The following PTPDC1 variants were observed in gnomAD, a reference collection of about 807,000 sequenced individuals.
PTPDC1 encodes the protein protein tyrosine phosphatase domain containing 1.
Under a neutral mutation model 75.3 loss-of-function variants are expected in PTPDC1, and 53 were observed. The ratio of observed to expected loss-of-function variants is 0.70; its 90% CI spans 0.56 to 0.88. PTPDC1 has a LOEUF of 0.88. Ranked by LOEUF, PTPDC1 falls within the 40% of genes least tolerant of loss-of-function variation. The probability of loss-of-function intolerance (pLI) is 0.00; values close to 1 mark genes in which losing one functional copy is unlikely to be tolerated. For missense variants in PTPDC1, 925 were observed against 998.6 expected (o/e 0.93, Z 0.99); for synonymous variants, 349 against 366.2 (o/e 0.95, Z 0.54).
intron 1 of PTPDC1, among the ~76,000 whole-genome samples, chr9:94,048,454 T>C (rs562809631): frequency 1.8e-4 from 28 of 152,282 alleles, no homozygotes; most frequent in African/African-American, 6.3e-4. Context: ...GCCTTCATTT[T>C]GTTATGTACC....
intron 2 of PTPDC1, among the ~76,000 whole-genome samples, chr9:94,073,558 C>G (rs551782972): frequency 6.6e-6 from 1 of 152,134 alleles, no homozygotes; most frequent in Non-Finnish European, 1.5e-5. Context: ...TCTTATATCA[C>G]TGATTTGCAC....
At chr9:94,038,033 G>A (rs1825324752) in intron 1 of PTPDC1, 1 of 456,240 alleles carries the variant, frequency 2.2e-6, no homozygotes, top group Non-Finnish European at 4.1e-6. Context: ...ATTAAATATG[G>A]GTGATGTTGA....
At chr9:94,067,898 G>A (rs1011957604) in intron 2 of PTPDC1, among the ~76,000 whole-genome samples, 5 of 152,198 alleles carry the variant, frequency 3.3e-5, no homozygotes, top group South Asian at 2.1e-4. Flanking sequence ...TACCGTGCCC[G>A]GCTTTCAATC....
In PTPDC1 at chr9:94,095,409, G is replaced by T; in HGVS notation, c.709G>T (p.Glu237Ter). The change falls in exon 5 of 9, where the codon GAA becomes TAA. Residue 237 changes from glutamate (E) to a stop codon, truncating the protein, a stop_gained. Coordinates refer to ENST00000620992, the MANE Select transcript of PTPDC1 (RefSeq NM_001253829.2). LOFTEE classifies it high-confidence loss of function. ...GAAGGTGATGACATTTGCCTTACAG[G>T]AAGGAAAAGTAGCTATCCATTGTCA... is the stretch of plus-strand genomic sequence containing the variant. ...MVKVMTFALQ[E>*]GKVAIHCHAG... 1 of 1,613,710 alleles carries T rather than the reference G, an allele frequency of 6.2e-7. No individual in the cohort carries two copies. The highest frequency in any genetic ancestry group is 8.5e-7 in the Non-Finnish European group (1 of 1,179,690).
At chr9:94,031,465 A>G (rs1428855528) in intron 1 of PTPDC1, among the ~76,000 whole-genome samples, 2 of 152,048 alleles carry the variant, frequency 1.3e-5, no homozygotes, top group Non-Finnish European at 2.9e-5. Flanking sequence ...TTAAAAAAAA[A>G]AGAAGAAACA....
At chr9:94,086,117 C>T (rs1339244444) in intron 2 of PTPDC1, among the ~76,000 whole-genome samples, 1 of 152,112 alleles carries the variant, frequency 6.6e-6, no homozygotes, top group Non-Finnish European at 1.5e-5. Context: ...CATCAAGAAC[C>T]CATTTTTCAA....
At chr9:94,050,375 C>T (rs927546707) in intron 1 of PTPDC1, among the ~76,000 whole-genome samples, 42 of 152,228 alleles carry the variant, frequency 2.8e-4, no homozygotes, top group African/African-American at 9.6e-4. Flanking sequence ...ATGTTGGTGA[C>T]GTACAGATGG....
intron 1 of PTPDC1, among the ~76,000 whole-genome samples, chr9:94,031,465 AAG>A (rs923787941): frequency 6.6e-6 from 1 of 152,048 alleles, no homozygotes; most frequent in Admixed American, 6.5e-5. Context: ...TTAAAAAAAA[AAG>A]AAGAAACACT....
chr9:94,094,530 G>C (rs1196823962), intron 4 of PTPDC1, among the ~76,000 whole-genome samples: 1 of 152,150 alleles, frequency 6.6e-6, no homozygotes, highest in African/African-American at 2.4e-5. Context: ...CTGTCTTTTT[G>C]TTTGTCTGTG....
chr9:94,071,465 G>A (rs1172183745), intron 2 of PTPDC1, among the ~76,000 whole-genome samples: 1 of 151,400 alleles, frequency 6.6e-6, no homozygotes, highest in Non-Finnish European at 1.5e-5. Context: ...TTCTTCATAT[G>A]ATCTTTCTCT....
chr9:94,087,779 T>G, intron 2 of PTPDC1, 52 bp from the exon 3 acceptor site: 1 of 1,306,788 alleles, frequency 7.7e-7, no homozygotes, highest in African/African-American at 1.5e-5. Flanking sequence ...CTCTTTGGAC[T>G]GGAACTTCCT....
At chr9:94,105,972 CAAA>C (rs1175784474) in intron 8 of PTPDC1, among the ~76,000 whole-genome samples, 7 of 130,332 alleles carry the variant, frequency 5.4e-5, no homozygotes, top group African/African-American at 2.0e-4. Flanking sequence ...GACTCCATCT[CAAA>C]AAAAAAAAAG....
intron 1 of PTPDC1, among the ~76,000 whole-genome samples, chr9:94,051,455 A>G (rs1482973632): frequency 2.6e-5 from 4 of 152,186 alleles, no homozygotes; most frequent in Non-Finnish European, 5.9e-5. Context: ...TTTTGGTGTT[A>G]GGTTAATGCT....
At chr9:94,032,514 T>C (rs2118367439) in intron 1 of PTPDC1, among the ~76,000 whole-genome samples, 1 of 152,288 alleles carries the variant, frequency 6.6e-6, no homozygotes, top group African/African-American at 2.4e-5. Context: ...AAATCTTTTG[T>C]TGGAGGAAAC....
exon 2 of PTPDC1, chr9:94,064,817 G>C (rs972122128): frequency 1.2e-6 from 2 of 1,609,828 alleles, no homozygotes; most frequent in Non-Finnish European, 1.7e-6. Context: ...TTGCAAACAT[G>C]AAAGGTAATG....
At chr9:94,044,976 A>T (rs71496464) in intron 1 of PTPDC1, among the ~76,000 whole-genome samples, 1 of 136,516 alleles carries the variant, frequency 7.3e-6, no homozygotes, top group Non-Finnish European at 1.6e-5. Context: ...TATATCTACT[A>T]ATGCTATCCC....
At chr9:94,093,349 A>C (rs1827403715) in intron 4 of PTPDC1, among the ~76,000 whole-genome samples, 1 of 149,406 alleles carries the variant, frequency 6.7e-6, no homozygotes, top group Non-Finnish European at 1.5e-5. Context: ...TATGAAGCTT[A>C]GTTTGGCTGG....
intron 6 of PTPDC1, 93 bp from the exon 7 acceptor site, chr9:94,101,473 C>A: frequency 1.1e-6 from 1 of 896,924 alleles, no homozygotes; most frequent in Non-Finnish European, 1.7e-6. Context: ...CTCTTGTGGG[C>A]AGCGCAAGAA....
At chr9:94,071,186 A>G (rs931409048) in intron 2 of PTPDC1, among the ~76,000 whole-genome samples, 2 of 152,124 alleles carry the variant, frequency 1.3e-5, no homozygotes, top group African/African-American at 4.8e-5. Flanking sequence ...AGGTTTTATC[A>G]GTATTTATTT....
Sources: gnomAD v4.1 joint callset for allele counts (sites outside exome capture counted in the v4.1 genomes callset) on GRCh38, gnomAD v4.1.1 for gene constraint, MANE v1.5 for transcripts, NCBI Gene and HGNC (gene_info 2026-07-23, HGNC 2026-07-21) for gene names.